CCDC68: variants seen among roughly 807,000 people sequenced by gnomAD.
CCDC68 encodes the protein coiled-coil domain containing 68.
In CCDC68, 45 loss-of-function variants were observed where a neutral mutation model predicts 47.1. That is an observed-to-expected ratio of 0.96 (90% CI 0.75 to 1.23). CCDC68 has a LOEUF of 1.23. Ranked by LOEUF, CCDC68 falls within the 50% of genes most tolerant of loss-of-function variation. The probability of loss-of-function intolerance (pLI) is 0.00; values close to 1 mark genes in which losing one functional copy is unlikely to be tolerated. For missense variants in CCDC68, 353 were observed against 373.6 expected (o/e 0.94, Z 0.45); for synonymous variants, 131 against 129.5 (o/e 1.01, Z -0.08).
chr18:54,909,530 T>C (rs1914225169), intron 10 of CCDC68, among the ~76,000 whole-genome samples: 1 of 152,230 alleles, frequency 6.6e-6, no homozygotes. Context: ...TTGGTTCCGT[T>C]GGGCTCATTT....
intron 1 of CCDC68, among the ~76,000 whole-genome samples, chr18:54,954,039 C>CCTTTCTTTCTTT (rs201481771): frequency 8.2e-4 from 89 of 108,388 alleles, no homozygotes; most frequent in Middle Eastern, 5.7e-3. Flanking sequence ...TTCCCTCCTT[C>CCTTTCTTTCTTT]CTTTCTTTCT....
In CCDC68 at chr18:54,911,298, G is replaced by A. The variant is rs575896945; in HGVS notation, c.874-3436C>T. On this transcript the variant is annotated intron_variant, in intron 10 of 11. Transcript: ENST00000591504. ...CTCCTGGCCCTCCAGTGACCCGCCC[G>A]CCTCAGCCTCCCAAAGTGCTAACAT... Among the ~76,000 whole-genome samples the A allele has an allele frequency of 1.1e-4, 16 of 152,158 alleles. 1 individual carries two copies. The South Asian group carries it at 1.5e-3, about 14-fold the overall frequency.
At chr18:54,922,034 T>C (rs187520722) in intron 8 of CCDC68, among the ~76,000 whole-genome samples, 1 of 152,270 alleles carries the variant, frequency 6.6e-6, no homozygotes, top group African/African-American at 2.4e-5. Context: ...ATAAGCTGGA[T>C]GCCTGATTCA....
chr18:54,921,785 T>C (rs567131221), intron 8 of CCDC68, among the ~76,000 whole-genome samples: 49 of 152,334 alleles, frequency 3.2e-4, no homozygotes, highest in Admixed American at 5.2e-4. Flanking sequence ...AGAAAAGCTA[T>C]GAAAGAAATG....
chr18:54,928,872 G>A lies in CCDC68; in HGVS notation c.611C>T (p.Thr204Ile). The change falls in exon 8 of 12, where the codon ACA (threonine) becomes ATA (isoleucine). Residue 204 changes from threonine to isoleucine, a missense_variant. Transcript: ENST00000591504. ...LVQRMEKEKR[T>I]LLERKLSLEN... is the part of the protein sequence containing the mutation. ...CAAAGACAGTTTTCTTTCTAGTAGT[G>A]TTCTCTTTTCCTAGGAGAAAATAAG... The A allele has an allele frequency of 6.2e-7, 1 of 1,602,496 alleles. No individual in the cohort carries two copies. The highest frequency in any genetic ancestry group is 8.5e-7 in the Non-Finnish European group (1 of 1,169,684).
At chr18:54,937,935 T>G (rs1754491275) in intron 5 of CCDC68, 22 bp downstream of exon 5, 2 of 1,599,974 alleles carry the variant, frequency 1.3e-6, no homozygotes, top group Non-Finnish European at 1.7e-6. Flanking sequence ...AACACAAAAT[T>G]TGAAACTTCT....
At chr18:54,906,184 C>CT (rs1006100771) in intron 11 of CCDC68, among the ~76,000 whole-genome samples, 36 of 151,324 alleles carry the variant, frequency 2.4e-4, no homozygotes, top group African/African-American at 7.5e-4. Flanking sequence ...GAAACTGGAC[C>CT]CTGGTTCCAA....
rs576745385 is a variant in CCDC68, at chr18:54,934,865, G to A, written c.555C>T (p.His185=). The A allele has an allele frequency of 5.0e-6, 8 of 1,602,790 alleles. No individual in the cohort carries two copies. Among genetic ancestry groups the A allele is most frequent in the Non-Finnish European group, 6.8e-6 (8 of 1,175,016 alleles). The change falls in exon 7 of 12, where the codon CAC becomes CAT. Residue 185 remains histidine (H), a synonymous_variant. Coordinates refer to ENST00000591504, the MANE Select transcript of CCDC68 (RefSeq NM_025214.3). Reference sequence around the variant, plus strand: ...GGTTCTCCAATTCTGTAATTTGACTGTGTTTTTCTTCAAGTTTTTCAGCAA... The same window carrying A: ...GGTTCTCCAATTCTGTAATTTGACTATGTTTTTCTTCAAGTTTTTCAGCAA... The part of the protein sequence containing the change: ...NQVAEKLEEK[H]SQITELENLV...
At chr18:54,947,626 T>C (rs1032517389) in intron 1 of CCDC68, among the ~76,000 whole-genome samples, 7 of 152,358 alleles carry the variant, frequency 4.6e-5, no homozygotes, top group Admixed American at 3.9e-4. Context: ...TGAGTTAATA[T>C]TTGTCAAGCA....
At chr18:54,928,657 A>G (rs2044187880) in intron 8 of CCDC68, 143 bp downstream of exon 8, 6 of 624,258 alleles carry the variant, frequency 9.6e-6, no homozygotes, top group Non-Finnish European at 1.7e-5. Context: ...ATGACTGTTA[A>G]TCCCAAGAAT....
chr18:54,912,866 C>T (rs1025694229), intron 10 of CCDC68, among the ~76,000 whole-genome samples: 1 of 152,058 alleles, frequency 6.6e-6, no homozygotes, highest in African/African-American at 2.4e-5. Flanking sequence ...AGGGGTTTCC[C>T]CTTAAAAAAC....
chr18:54,917,365 G>A (rs945948970), intron 10 of CCDC68, among the ~76,000 whole-genome samples: 11 of 152,120 alleles, frequency 7.2e-5, no homozygotes, highest in African/African-American at 1.2e-4. Flanking sequence ...AAGCCTGGCC[G>A]TCTGACTAGA....
intron 2 of CCDC68, among the ~76,000 whole-genome samples, chr18:54,944,300 A>G (rs1224843693): frequency 6.6e-6 from 1 of 152,030 alleles, no homozygotes; most frequent in Admixed American, 6.6e-5. Flanking sequence ...TATAATAAAT[A>G]GTAAATAACT....
intron 4 of CCDC68, among the ~76,000 whole-genome samples, chr18:54,940,484 A>T (rs1488258654): frequency 6.6e-6 from 1 of 152,210 alleles, no homozygotes; most frequent in African/African-American, 2.4e-5. Context: ...CCTATAGTGG[A>T]CAACACTGAT....
chr18:54,929,006 C>T, intron 7 of CCDC68, 124 bp from the exon 8 acceptor site: 4 of 640,470 alleles, frequency 6.2e-6, no homozygotes, highest in Non-Finnish European at 1.1e-5. Context: ...TGTTACTCCT[C>T]ATCTTCAAGG....
Position 54,950,144 on chromosome 18 carries a change from A to G in CCDC68, c.-102-4667T>C, listed in dbSNP as rs1599098281. On this transcript the variant is annotated intron_variant, in intron 1 of 11. Transcript: ENST00000591504. ...GAGTCAATTACTCTGGATTGCAATCAAGAGCCCTGCTTGGTTTTAGCACAG... is the reference window on the plus strand; with the variant it reads ...GAGTCAATTACTCTGGATTGCAATCGAGAGCCCTGCTTGGTTTTAGCACAG... 1.3e-5 allele frequency among the ~76,000 whole-genome samples: 2 copies of G among 152,152 alleles called. 1 individual carries two copies.
chr18:54,923,681 A>G (rs1017627562), intron 8 of CCDC68, among the ~76,000 whole-genome samples: 1 of 151,452 alleles, frequency 6.6e-6, no homozygotes, highest in Non-Finnish European at 1.5e-5. Context: ...TCTTCTTTTG[A>G]GCTTTGTTAT....
At chr18:54,952,049 T>C (rs530680012) in intron 1 of CCDC68, among the ~76,000 whole-genome samples, 5 of 152,378 alleles carry the variant, frequency 3.3e-5, no homozygotes, top group South Asian at 4.1e-4. Context: ...ATAATGTTTA[T>C]ACTCACAACT....
intron 11 of CCDC68, among the ~76,000 whole-genome samples, chr18:54,905,219 A>G (rs1490338618): frequency 2.0e-5 from 3 of 151,130 alleles, no homozygotes; most frequent in Non-Finnish European, 4.4e-5. Flanking sequence ...GCACTGCTGC[A>G]CTCCAGCCTG....
Sources: gnomAD v4.1 joint callset for allele counts (sites outside exome capture counted in the v4.1 genomes callset) on GRCh38, gnomAD v4.1.1 for gene constraint, MANE v1.5 for transcripts, NCBI Gene and HGNC (gene_info 2026-07-23, HGNC 2026-07-21) for gene names.